Variants in MAGI1 observed in about 807,000 individuals in gnomAD.
MAGI1 encodes membrane associated guanylate kinase, WW and PDZ domain containing 1.
A neutral mutation model predicts 139.9 loss-of-function variants in MAGI1; 58 were observed. The observed-to-expected ratio is 0.41, with a 90% CI of 0.34 to 0.52. The LOEUF (loss-of-function observed/expected upper bound fraction) is 0.52. MAGI1 is among the 20% of genes least tolerant of loss of function. The pLI, the probability that MAGI1 is intolerant of heterozygous loss-of-function variation, is 0.12. For synonymous variants in MAGI1, 812 were observed against 737.9 expected (o/e 1.10, Z -1.63); for missense variants, 1,874 against 1,901.6 (o/e 0.99, Z 0.27).
At chr3:66,010,551 G>A (rs1423744784) in intron 1 of MAGI1, among the ~76,000 whole-genome samples, 1 of 152,174 alleles carries the variant, frequency 6.6e-6, no homozygotes, top group Non-Finnish European at 1.5e-5. Context: ...ATAAGAGGCT[G>A]AAAACAAGCA....
chr3:65,419,231 C>CACACACACACACACACACAT (rs145284205), intron 12 of MAGI1, among the ~76,000 whole-genome samples: 50,920 of 150,574 alleles, frequency 0.34, 9,330 homozygotes, highest in East Asian at 0.78. Flanking sequence ...TACACACACA[C>CACACACACACACACACACAT]ACACACACAC....
chr3:65,533,025 C>G (rs1334548177), intron 2 of MAGI1: 1 of 152,236 alleles, frequency 6.6e-6, no homozygotes, highest in Non-Finnish European at 1.5e-5. Context: ...TTGTAAATGT[C>G]TGCCTCCTTC....
Position 65,356,226 on chromosome 3 carries a change from T to G in MAGI1, c.*152A>C. On this transcript the variant is annotated 3_prime_UTR_variant, in exon 23 of 23. Transcript: ENST00000402939. ...AATACTTTTCATATATATTTTTTCT[T>G]ATAAGATTTCAAATGCATAAAATGT... 2.9e-6 allele frequency: 2 copies of G among 700,314 alleles called. No individual in the cohort carries two copies. Among genetic ancestry groups the G allele is most frequent in the Non-Finnish European group, 4.4e-6 (2 of 449,914 alleles). The allele number at this position is 700,314 out of a possible 1,614,324, so 43.4% of individuals were successfully genotyped here.
intron 1 of MAGI1, among the ~76,000 whole-genome samples, chr3:65,754,386 A>G (rs2036395809): frequency 6.6e-6 from 1 of 152,228 alleles, no homozygotes; most frequent in Admixed American, 6.5e-5. Context: ...AAGGACTTAT[A>G]GGGCACAGGA....
intron 14 of MAGI1, chr3:65,387,146 G>A (rs1453089451): frequency 6.8e-6 from 11 of 1,613,468 alleles, no homozygotes; most frequent in Non-Finnish European, 9.3e-6. Flanking sequence ...TCCTTACTCG[G>A]ACATTCTCCA....
At chr3:65,717,024 C>T (rs2032338664) in intron 1 of MAGI1, among the ~76,000 whole-genome samples, 1 of 152,114 alleles carries the variant, frequency 6.6e-6, no homozygotes, top group South Asian at 2.1e-4. Flanking sequence ...AGTGACTTTG[C>T]CGATATGATT....
intron 1 of MAGI1, among the ~76,000 whole-genome samples, chr3:65,850,423 C>T: frequency 6.6e-6 from 1 of 152,142 alleles, no homozygotes; most frequent in East Asian, 1.9e-4. Context: ...CCAGGGTAAA[C>T]CAGGATGGCT....
rs535322767 is a variant in MAGI1 at position 65,536,937 on chromosome 3, G to A, written c.431-43306C>T. Among the ~76,000 whole-genome samples, 23 of 152,248 alleles carry A rather than the reference G, an allele frequency of 1.5e-4. No homozygotes were observed. The East Asian group carries it at 3.1e-3, about 20-fold the overall frequency. On this transcript the variant is annotated intron_variant, in intron 2 of 22. Transcript: ENST00000402939. ...TGGGTACCCAGAGCCAGCCATGCCC[G>A]TAGGTAGTTTATCTTTGGACGTTTT... is the stretch of plus-strand genomic sequence containing the variant.
intron 1 of MAGI1, among the ~76,000 whole-genome samples, chr3:65,850,146 A>T (rs1033819544): frequency 2.0e-5 from 3 of 152,098 alleles, no homozygotes. Flanking sequence ...TTATATATAT[A>T]AAAAAATAGT....
intron 2 of MAGI1, among the ~76,000 whole-genome samples, chr3:65,543,902 T>C (rs1302849993): frequency 6.6e-6 from 1 of 152,064 alleles, no homozygotes; most frequent in Admixed American, 6.6e-5. Context: ...ACAAGTATAA[T>C]AATAATAAAA....
intron 1 of MAGI1, among the ~76,000 whole-genome samples, chr3:65,729,451 TATAAAAC>T (rs1404266989): frequency 1.3e-5 from 2 of 152,274 alleles, no homozygotes; most frequent in African/African-American, 2.4e-5. Context: ...CAGTAGACAA[TATAAAAC>T]ATAAAACATA....
At chr3:65,531,371 C>T (rs73128974) in intron 2 of MAGI1, among the ~76,000 whole-genome samples, 48,233 of 151,974 alleles carry the variant, frequency 0.32, 8,884 homozygotes, top group East Asian at 0.66. Context: ...ATGCCTAATA[C>T]ATTATCGTCA....
At chr3:66,015,642 A>G (rs746405521) in intron 1 of MAGI1, among the ~76,000 whole-genome samples, 1 of 152,238 alleles carries the variant, frequency 6.6e-6, no homozygotes, top group Non-Finnish European at 1.5e-5. Context: ...CTGCCTTAAA[A>G]TAACAATTAG....
chr3:65,412,307 C>T (rs1575654150), intron 12 of MAGI1, among the ~76,000 whole-genome samples: 2 of 152,180 alleles, frequency 1.3e-5, no homozygotes, highest in East Asian at 1.9e-4. Flanking sequence ...TCACTCAGGA[C>T]CCTCCTCAAA....
intron 14 of MAGI1, among the ~76,000 whole-genome samples, chr3:65,390,431 A>G (rs2106981430): frequency 6.6e-6 from 1 of 152,342 alleles, no homozygotes; most frequent in South Asian, 2.1e-4. Context: ...GCCTAAAATT[A>G]AGGCATTTTT....
chr3:65,538,351 G>A (rs1451378555), intron 2 of MAGI1, among the ~76,000 whole-genome samples: 1 of 152,062 alleles, frequency 6.6e-6, no homozygotes, highest in Non-Finnish European at 1.5e-5. Context: ...ATGGACTCAG[G>A]GGATATTCTC....
intron 2 of MAGI1, among the ~76,000 whole-genome samples, chr3:65,598,862 G>T (rs1273113991): frequency 6.6e-6 from 1 of 152,158 alleles, no homozygotes. Flanking sequence ...CCACCTTAGT[G>T]AGAAAACTTT....
At chr3:65,908,011 G>A (rs1181382388) in intron 1 of MAGI1, among the ~76,000 whole-genome samples, 1 of 152,026 alleles carries the variant, frequency 6.6e-6, no homozygotes, top group Non-Finnish European at 1.5e-5. Context: ...ACGATTCATG[G>A]AGCATGCAAA....
chr3:66,015,023 T>C (rs2067549147), intron 1 of MAGI1, among the ~76,000 whole-genome samples: 1 of 151,996 alleles, frequency 6.6e-6, no homozygotes, highest in Admixed American at 6.6e-5. Context: ...TGTTTAATCC[T>C]GCCCCACCAC....
Sources: gnomAD v4.1 joint callset for allele counts (sites outside exome capture counted in the v4.1 genomes callset) on GRCh38, gnomAD v4.1.1 for gene constraint, MANE v1.5 for transcripts, NCBI Gene and HGNC (gene_info 2026-07-23, HGNC 2026-07-21) for gene names.